Variants in KRIT1 observed in about 807,000 individuals in gnomAD.
The protein encoded by KRIT1 is krev interaction trapped protein 1.
KRIT1 carries 45 observed loss-of-function variants against 95.8 expected under a neutral mutation model. The observed-to-expected ratio is 0.47, with a 90% CI of 0.37 to 0.60. KRIT1 has a LOEUF of 0.60. KRIT1 is among the 20% of genes least tolerant of loss of function. KRIT1 has a pLI of 0.00. For synonymous variants in KRIT1, 282 were observed against 278.8 expected (o/e 1.01, Z -0.11); for missense variants, 788 against 877.5 (o/e 0.90, Z 1.29).
intron 10 of KRIT1, among the ~76,000 whole-genome samples, chr7:92,227,683 C>T (rs900550967): frequency 5.3e-5 from 8 of 151,398 alleles, no homozygotes; most frequent in South Asian, 2.1e-4. Context: ...TACAGGCATG[C>T]GCCACCACGC....
chr7:92,228,025 G>A (rs1235661976), intron 10 of KRIT1, among the ~76,000 whole-genome samples: 2 of 151,900 alleles, frequency 1.3e-5, no homozygotes, highest in Non-Finnish European at 2.9e-5. Flanking sequence ...TGGGGGTTGC[G>A]GCGGGGAGGT....
chr7:92,234,763 TG>T (rs754230981), intron 9 of KRIT1, 44 bp downstream of exon 9: 2 of 1,216,694 alleles, frequency 1.6e-6, no homozygotes, highest in South Asian at 1.2e-5. Flanking sequence ...TAAATTAGAA[TG>T]TAAGTTTTTA....
At chr7:92,212,690 T>G (rs1235492416) in intron 17 of KRIT1, among the ~76,000 whole-genome samples, 2 of 152,234 alleles carry the variant, frequency 1.3e-5, no homozygotes, top group South Asian at 4.1e-4. Context: ...ATAAAACTTC[T>G]GTTGTTCATT....
intron 12 of KRIT1, among the ~76,000 whole-genome samples, chr7:92,224,432 C>A (rs925449167): frequency 6.6e-6 from 1 of 152,018 alleles, no homozygotes; most frequent in Non-Finnish European, 1.5e-5. Context: ...TGAATAGCCA[C>A]TGTACTCCAG....
Position 92,237,546 on chromosome 7 carries a change from T to A in KRIT1, c.355+121A>T, listed in dbSNP as rs1584996949. On this transcript the variant is annotated intron_variant, in intron 6 of 18. Coordinates refer to ENST00000394505, the MANE Select transcript of KRIT1 (RefSeq NM_194454.3). ...TAACATATTTCCCTTCTATTAATTT[T>A]AAAATATGTATTTTATAATATTATA... The A allele has an allele frequency of 2.2e-5, 10 of 456,164 alleles. No individual in the cohort carries two copies. The East Asian group carries it at 3.7e-4, about 17-fold the overall frequency. 28.3% of individuals were successfully genotyped at this position (456,164 alleles called of 1,614,324 possible). A position where few individuals can be genotyped will look rare whatever the true frequency, so the allele number is the denominator to read the frequency against.
intron 10 of KRIT1, among the ~76,000 whole-genome samples, chr7:92,227,644 C>T (rs1584922077): frequency 1.3e-5 from 2 of 151,380 alleles, no homozygotes; most frequent in Non-Finnish European, 2.9e-5. Context: ...AAGAGATTCT[C>T]GTGTCTCAGC....
In KRIT1 at chr7:92,214,602, A is replaced by C; in HGVS notation, c.1730+9T>G. ...TAGCACAAGACCATGCATAATATTA[A>C]ATACTTACTTTAGGAAACCTTGCTT... On this transcript the variant is annotated intron_variant, in intron 15 of 18. Coordinates refer to ENST00000394505, the MANE Select transcript of KRIT1 (RefSeq NM_194454.3). 3 of 1,597,038 alleles carry C rather than the reference A, an allele frequency of 1.9e-6. No individual in the cohort carries two copies. Among genetic ancestry groups the C allele is most frequent in the Non-Finnish European group, 2.6e-6 (3 of 1,164,726 alleles).
intron 13 of KRIT1, 28 bp from the exon 14 acceptor site, chr7:92,222,081 G>A: frequency 1.9e-6 from 3 of 1,592,066 alleles, no homozygotes; most frequent in Non-Finnish European, 2.6e-6. Context: ...TTTTATAAAT[G>A]ATAATGTAAA....
intron 14 of KRIT1, among the ~76,000 whole-genome samples, chr7:92,220,904 G>T (rs1369350203): frequency 2.0e-5 from 3 of 150,852 alleles, no homozygotes; most frequent in Non-Finnish European, 4.4e-5. Flanking sequence ...TGGCCGGGCT[G>T]GTCTTGAATT....
chr7:92,235,596 C>A lies in KRIT1; in HGVS notation c.536G>T (p.Arg179Leu). ...AQSHFIPALFRPSPLERIKTN... is the reference protein window; with the variant it reads ...AQSHFIPALFLPSPLERIKTN... ...TTTTATCCGCTCAAGAGGAGAAGGT[C>A]GGAATAAAGCTGGAATAAAGTGAGA... is the stretch of plus-strand genomic sequence containing the variant. The change falls in exon 8 of 19, where the codon CGA (arginine) becomes CTA (leucine). Residue 179 changes from arginine (R) to leucine (L), a missense_variant. Coordinates refer to ENST00000394505, the MANE Select transcript of KRIT1 (RefSeq NM_194454.3). 2 of 1,613,494 alleles carry A rather than the reference C, an allele frequency of 1.2e-6. No individual in the cohort carries two copies. The highest frequency in any genetic ancestry group is 2.2e-5 in the South Asian group (2 of 91,004).
chr7:92,224,018 C>T (rs989574829), intron 12 of KRIT1, among the ~76,000 whole-genome samples: 33 of 152,124 alleles, frequency 2.2e-4, no homozygotes, highest in African/African-American at 7.5e-4. Context: ...CATAAGGGTA[C>T]CTGTACTGCT....
At chr7:92,228,535 C>A (rs935994219) in intron 10 of KRIT1, among the ~76,000 whole-genome samples, 1 of 151,280 alleles carries the variant, frequency 6.6e-6, no homozygotes, top group Admixed American at 6.6e-5. Flanking sequence ...CTACACCTTA[C>A]TCAGGTGATT....
intron 18 of KRIT1, 73 bp downstream of exon 18, chr7:92,201,234 T>A: frequency 1.3e-6 from 1 of 792,022 alleles, no homozygotes; most frequent in South Asian, 1.4e-5. Context: ...GTTAAATGGA[T>A]GTCACTTTTT....
intron 4 of KRIT1, 89 bp from the exon 5 acceptor site, chr7:92,241,241 T>C (rs1799570981): frequency 1.1e-6 from 1 of 935,008 alleles, no homozygotes. Flanking sequence ...TTCTCAACTC[T>C]AGCTGCATAT....
intron 17 of KRIT1, chr7:92,202,221 T>C (rs1437041577): frequency 1.3e-5 from 2 of 152,196 alleles, no homozygotes; most frequent in African/African-American, 4.8e-5. Flanking sequence ...ATACCTTTCA[T>C]AAATTCATCA....
At chr7:92,216,477 A>T (rs1794025292) in intron 14 of KRIT1, among the ~76,000 whole-genome samples, 1 of 152,016 alleles carries the variant, frequency 6.6e-6, no homozygotes, top group South Asian at 2.1e-4. Flanking sequence ...GGGAGGTATA[A>T]AAGTATTTTG....
Position 92,200,020 on chromosome 7 carries a change from T to C in KRIT1, c.*716A>G, listed in dbSNP as rs1302103977. 1 of 152,668 alleles carries C rather than the reference T, an allele frequency of 6.6e-6. No homozygotes were observed. The highest frequency in any genetic ancestry group is 1.5e-5 in the Non-Finnish European group (1 of 68,044). The allele number at this position is 152,668 out of a possible 1,614,324, so 9.5% of individuals were successfully genotyped here. A position where few individuals can be genotyped will look rare whatever the true frequency, so the allele number is the denominator to read the frequency against. On this transcript the variant is annotated 3_prime_UTR_variant, in exon 19 of 19. Coordinates refer to ENST00000394505, the MANE Select transcript of KRIT1 (RefSeq NM_194454.3). ...AAATAACAGTGTTATGTGGTTCAAG[T>C]AGAAAATACATTTTCTTTATTCAAA...
intron 9 of KRIT1, 24 bp from the exon 10 acceptor site, chr7:92,234,616 A>G (rs1456010904): frequency 1.5e-5 from 24 of 1,600,790 alleles, no homozygotes; most frequent in Non-Finnish European, 1.9e-5. Context: ...AGAAATTTTG[A>G]AAAATACAAC....
chr7:92,205,224 T>A (rs970892936), intron 17 of KRIT1, among the ~76,000 whole-genome samples: 2 of 152,086 alleles, frequency 1.3e-5, no homozygotes, highest in African/African-American at 4.8e-5. Context: ...CACATGCCTA[T>A]AATCCCATCT....
Sources: gnomAD v4.1 joint callset for allele counts (sites outside exome capture counted in the v4.1 genomes callset) on GRCh38, gnomAD v4.1.1 for gene constraint, MANE v1.5 for transcripts, NCBI Gene and HGNC (gene_info 2026-07-23, HGNC 2026-07-21) for gene names.